ADGRL2: variants seen among roughly 807,000 people sequenced by gnomAD.
The protein encoded by ADGRL2 is calcium-independent alpha-latrotoxin receptor 2.
In ADGRL2, 44 loss-of-function variants were observed where a neutral mutation model predicts 157.4. The observed-to-expected ratio is 0.28, with a 90% confidence interval of 0.22 to 0.36. The LOEUF is 0.36. ADGRL2 is among the 10% of genes least tolerant of loss of function. ADGRL2 has a pLI of 1.00. For missense variants in ADGRL2, 1,510 were observed against 1,768.9 expected (o/e 0.85, Z 2.63); for synonymous variants, 585 against 624.7 (o/e 0.94, Z 0.95).
chr1:81,375,699 T>C (rs1440225889), intron 1 of ADGRL2, among the ~76,000 whole-genome samples: 1 of 152,174 alleles, frequency 6.6e-6, no homozygotes, highest in Non-Finnish European at 1.5e-5. Flanking sequence ...ACCAGTATCT[T>C]ATTTTGGATG....
In ADGRL2 at chr1:81,458,609, C is replaced by T. The variant is rs112479839; in HGVS notation, c.-248+13520C>T. ...CAGCTTGCACTACTGGCCCAGATCC[C>T]GTGCCTGCCATGGCTCCATCCTCAG... On this transcript the variant is annotated intron_variant, in intron 2 of 24. Coordinates refer to the ADGRL2 transcript ENST00000370721. Among the ~76,000 whole-genome samples, 156 of 152,290 alleles carry T rather than the reference C, an allele frequency of 1.0e-3. 1 individual carries two copies. The highest frequency in any genetic ancestry group is 3.7e-3 in the African/African-American group (154 of 41,562).
chr1:81,466,694 T>C (rs201346578), intron 2 of ADGRL2, among the ~76,000 whole-genome samples: 37 of 116,354 alleles, frequency 3.2e-4, no homozygotes, highest in African/African-American at 9.2e-4. Context: ...CACACACACA[T>C]ACACACTATG....
At chr1:81,756,522 G>A (rs1284038745) in intron 1 of ADGRL2, among the ~76,000 whole-genome samples, 1 of 152,148 alleles carries the variant, frequency 6.6e-6, no homozygotes. Context: ...GTAGATGTGA[G>A]GGTGCAGGAC....
At chr1:81,811,868 G>A (rs2089905499) in intron 1 of ADGRL2, among the ~76,000 whole-genome samples, 1 of 151,414 alleles carries the variant, frequency 6.6e-6, no homozygotes, top group Non-Finnish European at 1.5e-5. Context: ...AATGAGCCGG[G>A]CAGCTTTTTT....
chr1:81,529,765 G>A (rs1219083622), intron 2 of ADGRL2, among the ~76,000 whole-genome samples: 1 of 152,120 alleles, frequency 6.6e-6, no homozygotes, highest in Non-Finnish European at 1.5e-5. Context: ...AACTTGCCCA[G>A]CATAACAAAG....
At chr1:81,592,814 G>A (rs1364154433) in intron 3 of ADGRL2, among the ~76,000 whole-genome samples, 1 of 151,948 alleles carries the variant, frequency 6.6e-6, no homozygotes, top group African/African-American at 2.4e-5. Flanking sequence ...GTGGGTGCAG[G>A]CAGGGAAGGA....
chr1:81,541,779 G>A lies in ADGRL2; in HGVS notation c.-247-39097G>A, dbSNP rs1393693282. Reference sequence around the variant, plus strand: ...AGCCTGACCAACATGGAGAAACCCCGTCTCTACTAAAAAAAAAAAAAAAAC... The same window carrying A: ...AGCCTGACCAACATGGAGAAACCCCATCTCTACTAAAAAAAAAAAAAAAAC... On this transcript the variant is annotated intron_variant, in intron 2 of 24. Coordinates refer to the ADGRL2 transcript ENST00000370721. Among the ~76,000 whole-genome samples the A allele has an allele frequency of 4.4e-5, 6 of 136,100 alleles. No homozygotes were observed. The East Asian group carries it at 6.9e-4, about 16-fold the overall frequency. 89.3% of individuals were successfully genotyped at this position (136,100 alleles called of 152,430 possible).
intron 2 of ADGRL2, among the ~76,000 whole-genome samples, chr1:81,535,300 A>G (rs192485755): frequency 6.6e-6 from 1 of 152,206 alleles, no homozygotes; most frequent in Non-Finnish European, 1.5e-5. Flanking sequence ...TGGTTCTCCA[A>G]TCTTTTTCAA....
chr1:81,980,923 T>C, intron 18 of ADGRL2: 2 of 576,294 alleles, frequency 3.5e-6, no homozygotes, highest in East Asian at 5.6e-5. Flanking sequence ...TGCCCTTAAT[T>C]TTTATAATTA....
chr1:81,788,034 C>T (rs1288835371), intron 2 of ADGRL2, among the ~76,000 whole-genome samples: 1 of 152,122 alleles, frequency 6.6e-6, no homozygotes, highest in East Asian at 1.9e-4. Flanking sequence ...GATCTATCTT[C>T]TATTTTCCAG....
intron 1 of ADGRL2, among the ~76,000 whole-genome samples, chr1:81,829,343 A>C (rs2091767889): frequency 6.6e-6 from 1 of 152,192 alleles, no homozygotes; most frequent in African/African-American, 2.4e-5. Context: ...TTTAGAAATA[A>C]TTGGTATATT....
intron 2 of ADGRL2, among the ~76,000 whole-genome samples, chr1:81,497,723 T>C (rs1252337568): frequency 6.6e-6 from 1 of 152,134 alleles, no homozygotes; most frequent in Non-Finnish European, 1.5e-5. Context: ...ATATAAGAAA[T>C]GAAATGATGC....
intron 20 of ADGRL2, 127 bp from the exon 21 acceptor site, chr1:81,985,132 C>A: frequency 5.9e-6 from 3 of 506,818 alleles, no homozygotes; most frequent in South Asian, 7.3e-5. Context: ...AGAAAAAACA[C>A]ACATTCTTTA....
At chr1:81,561,702 C>T (rs1446581932) in intron 2 of ADGRL2, among the ~76,000 whole-genome samples, 1 of 151,976 alleles carries the variant, frequency 6.6e-6, no homozygotes, top group Non-Finnish European at 1.5e-5. Flanking sequence ...TCAGGTGATC[C>T]ACCCGCCTCG....
intron 1 of ADGRL2, among the ~76,000 whole-genome samples, chr1:81,342,125 A>C (rs1662118501): frequency 6.6e-6 from 1 of 152,192 alleles, no homozygotes; most frequent in Non-Finnish European, 1.5e-5. Flanking sequence ...CTAGAATTAT[A>C]ATACAACAAG....
At chr1:81,656,258 C>T (rs1344235450) in intron 3 of ADGRL2, among the ~76,000 whole-genome samples, 1 of 152,148 alleles carries the variant, frequency 6.6e-6, no homozygotes, top group Non-Finnish European at 1.5e-5. Flanking sequence ...AAATATCTAA[C>T]CTCTCAACAG....
chr1:81,968,189 G>A lies in ADGRL2; in HGVS notation c.2513G>A (p.Arg838Lys). 6.2e-7 allele frequency: 1 copy of A among 1,610,958 alleles called. No individual in the cohort carries two copies. The highest frequency in any genetic ancestry group is 8.5e-7 in the Non-Finnish European group (1 of 1,179,242). Residue 838 changes from arginine (R) to lysine (K), a missense_variant, in exon 14 of 24, where the codon AGG (arginine) becomes AAG (lysine). By Grantham distance (26) the Arg-to-Lys change is conservative (BLOSUM62 2). Transcript: ENST00000686636. ...AATTTTGCAATTCTCATGGCCCACA[G>A]GGAAATTGCAGTAAGTATTTGCACT... ...LTNFAILMAH[R>K]EIAYKDGVHE...
At chr1:81,718,039 G>T (rs2084172900) in intron 1 of ADGRL2, among the ~76,000 whole-genome samples, 1 of 152,178 alleles carries the variant, frequency 6.6e-6, no homozygotes, top group Admixed American at 6.5e-5. Flanking sequence ...AGTCTATAAG[G>T]TATGTGTGTC....
chr1:81,445,564 A>C (rs2077583239), intron 2 of ADGRL2, among the ~76,000 whole-genome samples: 1 of 152,208 alleles, frequency 6.6e-6, no homozygotes, highest in South Asian at 2.1e-4. Flanking sequence ...AGGGACTTAG[A>C]GAGGACGGCC....
Sources: allele counts gnomAD v4.1 joint callset (sites outside exome capture counted in the v4.1 genomes callset), GRCh38; gene constraint gnomAD v4.1.1; transcripts MANE v1.5; gene names NCBI Gene and HGNC (gene_info 2026-07-23, HGNC 2026-07-21).